Variants in CEP85L observed in about 807,000 individuals in gnomAD.
The protein encoded by CEP85L is centrosomal protein 85L, also known as centrosomal protein of 85 kDa-like.
A neutral mutation model predicts 100.3 loss-of-function variants in CEP85L; 60 were observed. The observed-to-expected ratio is 0.60, with a 90% CI of 0.49 to 0.74. The LOEUF (loss-of-function observed/expected upper bound fraction) is 0.74, where lower values mean the gene tolerates loss of function less well. Ranked by LOEUF, CEP85L falls within the 30% of genes least tolerant of loss-of-function variation. CEP85L has a pLI of 0.00. For missense variants in CEP85L, 973 were observed against 936.2 expected (o/e 1.04, Z -0.51); for synonymous variants, 319 against 322.7 (o/e 0.99, Z 0.12).
At chr6:118,543,367 T>C (rs1778019060) in intron 3 of CEP85L, among the ~76,000 whole-genome samples, 3 of 152,180 alleles carry the variant, frequency 2.0e-5, no homozygotes, top group Admixed American at 2.0e-4. Context: ...AGAAAAATAA[T>C]ATTCTAAATA....
intron 2 of CEP85L, among the ~76,000 whole-genome samples, chr6:118,614,778 T>C (rs1332747500): frequency 6.6e-6 from 1 of 151,784 alleles, no homozygotes; most frequent in East Asian, 1.9e-4. Flanking sequence ...GAGGTGGAGG[T>C]TGCAGTGAGC....
intron 3 of CEP85L, among the ~76,000 whole-genome samples, chr6:118,527,915 G>A (rs898665712): frequency 6.6e-6 from 1 of 151,956 alleles, no homozygotes; most frequent in Admixed American, 6.6e-5. Flanking sequence ...TTATTAGCAT[G>A]CCTAACAAAA....
chr6:118,674,193 G>A (rs1219745968), intron 1 of CEP85L, among the ~76,000 whole-genome samples: 2 of 152,182 alleles, frequency 1.3e-5, no homozygotes, highest in Non-Finnish European at 2.9e-5. Flanking sequence ...TAAAAATTAT[G>A]AATATTTGTG....
At chr6:118,467,133 G>C (rs985814139) in intron 12 of CEP85L, among the ~76,000 whole-genome samples, 2 of 152,138 alleles carry the variant, frequency 1.3e-5, no homozygotes, top group African/African-American at 4.8e-5. Flanking sequence ...TGTAGAGTCT[G>C]TGATGCATTT....
chr6:118,559,140 A>G, intron 3 of CEP85L: 1 of 1,246,024 alleles, frequency 8.0e-7, no homozygotes, highest in South Asian at 1.2e-5. Flanking sequence ...CTGTCATCCC[A>G]TGCAGACAGG....
In CEP85L at chr6:118,546,297, T is replaced by C. The variant is rs995878458; in HGVS notation, c.1020+19232A>G. Among the ~76,000 whole-genome samples the C allele has an allele frequency of 3.3e-5, 5 of 152,132 alleles. No homozygotes were observed. The South Asian group carries it at 1.0e-3, about 32-fold the overall frequency. ...TGTCACACACAGTTGTTAGTATCCT[T>C]CTAAGGTGTGTATATGCCTATGTAT... On this transcript the variant is annotated intron_variant, in intron 3 of 12. Transcript: ENST00000368491.
At chr6:118,622,106 G>GA (rs1773485761) in intron 2 of CEP85L, among the ~76,000 whole-genome samples, 1 of 152,236 alleles carries the variant, frequency 6.6e-6, no homozygotes, top group African/African-American at 2.4e-5. Context: ...GGAAACTAAT[G>GA]TAGTAGCAAA....
intron 1 of CEP85L, among the ~76,000 whole-genome samples, chr6:118,638,808 G>A (rs1452518601): frequency 6.6e-6 from 1 of 151,798 alleles, no homozygotes; most frequent in Non-Finnish European, 1.5e-5. Context: ...ATATTTCTCA[G>A]ACAGGAAGAT....
chr6:118,565,134 T>C (rs6941759), intron 3 of CEP85L: 16,960 of 174,296 alleles, frequency 0.097, 1,021 homozygotes, highest in African/African-American at 0.16. Context: ...GAAAAAGTCA[T>C]CCACGTTCTA....
At chr6:118,623,670 C>T (rs1440553091) in intron 2 of CEP85L, among the ~76,000 whole-genome samples, 2 of 152,160 alleles carry the variant, frequency 1.3e-5, no homozygotes, top group Non-Finnish European at 2.9e-5. Flanking sequence ...GAAATTTGAT[C>T]CAAAATCAAA....
At chr6:118,681,206 A>T (rs1408587258) in intron 1 of CEP85L, among the ~76,000 whole-genome samples, 1 of 152,250 alleles carries the variant, frequency 6.6e-6, no homozygotes, top group Non-Finnish European at 1.5e-5. Flanking sequence ...GATTTATATA[A>T]GTCAAATGAG....
Position 118,461,492 on chromosome 6 carries a change from T to C in CEP85L, c.*3913A>G, listed in dbSNP as rs1582831057. On this transcript the variant is annotated 3_prime_UTR_variant, in exon 13 of 13. Transcript: ENST00000368491. ...CAACATTCTTAGAACTCATGTAAAA[T>C]AGAAATAAATGCTTACTGCAGGCAA... The C allele has an allele frequency of 6.6e-6, 1 of 152,046 alleles. No individual in the cohort carries two copies. The highest frequency in any genetic ancestry group is 1.9e-4 in the East Asian group (1 of 5,176). 9.4% of individuals were successfully genotyped at this position (152,046 alleles called of 1,614,324 possible). A position where few individuals can be genotyped will look rare whatever the true frequency, so the allele number is the denominator to read the frequency against.
intron 3 of CEP85L, among the ~76,000 whole-genome samples, chr6:118,546,785 A>G (rs143770216): frequency 1.6e-3 from 236 of 152,234 alleles, no homozygotes; most frequent in African/African-American, 5.3e-3. Flanking sequence ...AGAGATCCTC[A>G]TTATGTAAGG....
chr6:118,658,849 C>T (rs1441359206), intron 1 of CEP85L, among the ~76,000 whole-genome samples: 2 of 151,976 alleles, frequency 1.3e-5, no homozygotes, highest in Non-Finnish European at 2.9e-5. Context: ...TTTAGAAAAA[C>T]GGGAAAATCA....
intron 3 of CEP85L, among the ~76,000 whole-genome samples, chr6:118,546,056 A>G (rs1778183230): frequency 6.6e-6 from 1 of 152,188 alleles, no homozygotes; most frequent in South Asian, 2.1e-4. Flanking sequence ...TGATAACACT[A>G]TAACTCATTA....
At chr6:118,629,678 A>G (rs1774018407) in intron 2 of CEP85L, among the ~76,000 whole-genome samples, 1 of 152,232 alleles carries the variant, frequency 6.6e-6, no homozygotes, top group South Asian at 2.1e-4. Flanking sequence ...CTCTTACCAC[A>G]TGATCCAGCA....
chr6:118,651,314 C>T lies in CEP85L; in HGVS notation c.-45G>A. 2 of 1,425,738 alleles carry T rather than the reference C, an allele frequency of 1.4e-6. No individual in the cohort carries two copies. Among genetic ancestry groups the T allele is most frequent in the Middle Eastern group, 3.7e-4 (2 of 5,336 alleles). 88.3% of individuals were successfully genotyped at this position (1,425,738 alleles called of 1,614,324 possible). ...TGGGCCAGGGACGCCCGACTCCTCA[C>T]GTCCGTCCTCCTGCTTCTTCGGCGG... On this transcript the variant is annotated 5_prime_UTR_variant, in exon 1 of 13. In the 5' UTR this introduces an upstream ATG that the reference lacks. Transcript: ENST00000368491.
chr6:118,624,786 G>C (rs544504382), intron 2 of CEP85L, among the ~76,000 whole-genome samples: 29 of 152,180 alleles, frequency 1.9e-4, no homozygotes, highest in Non-Finnish European at 3.8e-4. Context: ...TGATGAGAGA[G>C]GTGTCCAGGA....
chr6:118,687,074 C>T (rs1164253523), intron 1 of CEP85L, among the ~76,000 whole-genome samples: 1 of 152,178 alleles, frequency 6.6e-6, no homozygotes, highest in East Asian at 1.9e-4. Flanking sequence ...CCTCAGGGCT[C>T]ATACATAGTC....
Sources: gnomAD v4.1 joint callset for allele counts (sites outside exome capture counted in the v4.1 genomes callset) on GRCh38, gnomAD v4.1.1 for gene constraint, MANE v1.5 for transcripts, NCBI Gene and HGNC (gene_info 2026-07-23, HGNC 2026-07-21) for gene names.